Variants in MMRN1 observed in about 807,000 individuals in gnomAD.
The protein encoded by MMRN1 is multimerin-1.
A neutral mutation model predicts 100.7 loss-of-function variants in MMRN1; 94 were observed. The ratio of observed to expected loss-of-function variants is 0.93; its 90% CI spans 0.79 to 1.11. MMRN1 has a LOEUF of 1.11. MMRN1 is among the 50% of genes least tolerant of loss of function. The probability of loss-of-function intolerance (pLI) is 0.00; values close to 1 mark genes in which losing one functional copy is unlikely to be tolerated. For missense variants in MMRN1, 1,606 were observed against 1,439.1 expected (o/e 1.12, Z -1.88); for synonymous variants, 575 against 505.0 (o/e 1.14, Z -1.86).
At chr4:89,916,286 T>C (rs943218120) in intron 3 of MMRN1, among the ~76,000 whole-genome samples, 2 of 151,506 alleles carry the variant, frequency 1.3e-5, no homozygotes, top group African/African-American at 2.4e-5. Context: ...CATGTGACAA[T>C]TGGATCTCAA....
chr4:89,928,355 C>T (rs1226946905), intron 5 of MMRN1, among the ~76,000 whole-genome samples: 1 of 152,064 alleles, frequency 6.6e-6, no homozygotes, highest in Non-Finnish European at 1.5e-5. Context: ...TTGATGGAGA[C>T]ATTGAGGATA....
In MMRN1 at chr4:89,906,603, C is replaced by T. The variant is rs535239945; in HGVS notation, c.624-2673C>T. Among the ~76,000 whole-genome samples, 11 of 151,618 alleles carry T rather than the reference C, an allele frequency of 7.3e-5. 1 individual carries two copies. The highest frequency in any genetic ancestry group is 2.0e-4 in the Admixed American group (3 of 15,158). On this transcript the variant is annotated intron_variant, in intron 1 of 7. Coordinates refer to ENST00000264790, the MANE Select transcript of MMRN1 (RefSeq NM_007351.3). The stretch of plus-strand genomic sequence containing the variant: ...GCAAAATGCTTGTCTGGGATCATTG[C>T]ATTTGCCTTTAAACTGCCCATCACC...
chr4:89,942,992 A>C (rs540939145), intron 6 of MMRN1, among the ~76,000 whole-genome samples: 19 of 152,266 alleles, frequency 1.2e-4, no homozygotes, highest in African/African-American at 4.3e-4. Context: ...AGGTATTGGC[A>C]TGAAAATGGT....
Position 89,895,463 on chromosome 4 carries a change from C to A in MMRN1, c.492C>A (p.Gly164=). The A allele has an allele frequency of 1.2e-6, 2 of 1,613,676 alleles. No homozygotes were observed. Among genetic ancestry groups the A allele is most frequent in the South Asian group, 2.2e-5 (2 of 91,046 alleles). The stretch of plus-strand genomic sequence containing the variant: ...TAAACACAGTTGGAGGCACTGGAGG[C>A]ATTGGAGGCGTTGGAGGCACTGGAG... The part of the protein sequence containing the change: ...TSLNTVGGTG[G]IGGVGGTGGV... Residue 164 remains glycine (G), a synonymous_variant, in exon 1 of 8, where the codon GGC becomes GGA. Coordinates refer to ENST00000264790, the MANE Select transcript of MMRN1 (RefSeq NM_007351.3).
intron 1 of MMRN1, among the ~76,000 whole-genome samples, chr4:89,885,511 A>C (rs1720916433): frequency 6.6e-6 from 1 of 152,044 alleles, no homozygotes; most frequent in African/African-American, 2.4e-5. Context: ...TTTCTTCTTC[A>C]AATGTTTACT....
chr4:89,952,861 C>T (rs1284398479), intron 7 of MMRN1, 136 bp from the exon 8 acceptor site: 5 of 796,522 alleles, frequency 6.3e-6, no homozygotes, highest in Non-Finnish European at 9.7e-6. Flanking sequence ...ACACGTGCAC[C>T]TTTGCTAAGT....
chr4:89,893,753 G>C (rs1172451135), upstream of MMRN1, among the ~76,000 whole-genome samples: 7 of 152,048 alleles, frequency 4.6e-5, no homozygotes, highest in South Asian at 1.0e-3. Context: ...TGCACAGAAT[G>C]AGGGGTTATG....
At chr4:89,938,476 CATATAT>C (rs372673572) in intron 6 of MMRN1, among the ~76,000 whole-genome samples, 11,048 of 123,414 alleles carry the variant, frequency 0.09, 547 homozygotes, top group East Asian at 0.21. Context: ...ATTTTTTAAA[CATATAT>C]ATATATATAT....
intron 6 of MMRN1, among the ~76,000 whole-genome samples, chr4:89,939,622 T>C (rs143763987): frequency 6.6e-6 from 1 of 152,276 alleles, no homozygotes; most frequent in East Asian, 1.9e-4. Context: ...TAGTAAGTGA[T>C]AGAGCTTGGC....
intron 1 of MMRN1, among the ~76,000 whole-genome samples, chr4:89,881,157 A>T (rs1720807151): frequency 6.6e-6 from 1 of 152,262 alleles, no homozygotes; most frequent in East Asian, 1.9e-4. Flanking sequence ...CACAGTTTGC[A>T]TACAGTAAGC....
Position 89,953,347 on chromosome 4 carries a change from G to C in MMRN1, c.3616G>C (p.Ala1206Pro). 6.2e-7 allele frequency: 1 copy of C among 1,613,648 alleles called. No individual in the cohort carries two copies. Among genetic ancestry groups the C allele is most frequent in the East Asian group, 2.2e-5 (1 of 44,844 alleles). The change falls in exon 8 of 8, where the codon GCA (alanine) becomes CCA (proline). Residue 1206 changes from alanine to proline, a missense_variant. Physicochemically the swap from Ala to Pro is conservative, Grantham distance 27. Transcript: ENST00000264790. The part of the protein sequence containing the change: ...NYGQEVWLRL[A>P]KGTIPAKFPP... ...TGGGCAGGAAGTCTGGTTACGACTT[G>C]CAAAAGGAACAATTCCAGCCAAGTT...
chr4:89,933,936 G>C (rs949592017), intron 5 of MMRN1, among the ~76,000 whole-genome samples: 2 of 151,892 alleles, frequency 1.3e-5, no homozygotes, highest in African/African-American at 4.8e-5. Context: ...TTGTATGCAA[G>C]TTTTTTTATA....
chr4:89,898,891 T>G (rs1453636239), intron 1 of MMRN1, among the ~76,000 whole-genome samples: 2 of 152,148 alleles, frequency 1.3e-5, no homozygotes, highest in African/African-American at 4.8e-5. Flanking sequence ...TTGTAGTATC[T>G]TTGCATATAG....
chr4:89,934,745 C>T, intron 5 of MMRN1, 65 bp from the exon 6 acceptor site: 1 of 928,342 alleles, frequency 1.1e-6, no homozygotes, highest in Admixed American at 3.0e-5. Context: ...AACTTTTTAT[C>T]TTTTAGAGAT....
At chr4:89,941,150 A>G (rs999861997) in intron 6 of MMRN1, among the ~76,000 whole-genome samples, 3 of 152,178 alleles carry the variant, frequency 2.0e-5, no homozygotes, top group African/African-American at 7.2e-5. Context: ...TCTGTACAAA[A>G]TGGCTGAATA....
chr4:89,950,859 TC>T (rs1384968028), intron 6 of MMRN1, among the ~76,000 whole-genome samples: 1 of 152,060 alleles, frequency 6.6e-6, no homozygotes, highest in East Asian at 1.9e-4. Context: ...ATACCCGGCC[TC>T]ATTTTCCATT....
At chr4:89,881,880 A>G (rs75329999) in intron 1 of MMRN1, among the ~76,000 whole-genome samples, 3,896 of 152,108 alleles carry the variant, frequency 0.026, 86 homozygotes, top group Non-Finnish European at 0.04. Flanking sequence ...TATTGAAAAT[A>G]TTTCAGATGA....
At chr4:89,898,474 G>T (rs1436331406) in intron 1 of MMRN1, among the ~76,000 whole-genome samples, 1 of 151,888 alleles carries the variant, frequency 6.6e-6, no homozygotes, top group African/African-American at 2.4e-5. Context: ...CTTATCACAA[G>T]TGGGAAGATA....
At chr4:89,930,450 T>A (rs1448095106) in intron 5 of MMRN1, among the ~76,000 whole-genome samples, 1 of 152,234 alleles carries the variant, frequency 6.6e-6, no homozygotes, top group Non-Finnish European at 1.5e-5. Flanking sequence ...ATTAGGACTT[T>A]TAGGCATGTA....
Sources: gnomAD v4.1 joint callset for allele counts (sites outside exome capture counted in the v4.1 genomes callset) on GRCh38, gnomAD v4.1.1 for gene constraint, MANE v1.5 for transcripts, NCBI Gene and HGNC (gene_info 2026-07-23, HGNC 2026-07-21) for gene names.